CAMK2A: variants seen among roughly 807,000 people sequenced by gnomAD.
The protein encoded by CAMK2A is calcium/calmodulin-dependent protein kinase type II subunit alpha.
In CAMK2A, 7 loss-of-function variants were observed where a neutral mutation model predicts 79.2. The ratio of observed to expected loss-of-function variants is 0.09; its 90% CI spans 0.05 to 0.17. The LOEUF is 0.17. CAMK2A is among the 10% of genes least tolerant of loss of function. The probability of loss-of-function intolerance (pLI) is 1.00; values close to 1 mark genes in which losing one functional copy is unlikely to be tolerated. For synonymous variants in CAMK2A, 242 were observed against 251.7 expected (o/e 0.96, Z 0.36); for missense variants, 214 against 646.4 (o/e 0.33, Z 7.25).
At chr5:150,229,261 C>G (rs1754739036) in intron 16 of CAMK2A, among the ~76,000 whole-genome samples, 1 of 152,196 alleles carries the variant, frequency 6.6e-6, no homozygotes. Context: ...ACTCATGACC[C>G]CAAATTCTCC....
At chr5:150,257,536 C>G (rs375632139) in intron 4 of CAMK2A, 27 bp downstream of exon 4, 2 of 1,546,966 alleles carry the variant, frequency 1.3e-6, no homozygotes, top group Non-Finnish European at 1.8e-6. Flanking sequence ...ACACCGTTGG[C>G]GCATCCCAGG....
chr5:150,262,395 T>C (rs1017054646), intron 3 of CAMK2A, among the ~76,000 whole-genome samples: 1 of 152,148 alleles, frequency 6.6e-6, no homozygotes, highest in African/African-American at 2.4e-5. Context: ...GGAAGATGCT[T>C]GGAGGATCAG....
chr5:150,253,831 G>A (rs570457005), intron 6 of CAMK2A, among the ~76,000 whole-genome samples: 8 of 151,358 alleles, frequency 5.3e-5, no homozygotes, highest in South Asian at 2.1e-4. Context: ...AGGTGAGAGC[G>A]GGGTGGTACA....
intron 3 of CAMK2A, among the ~76,000 whole-genome samples, chr5:150,259,811 A>G (rs1430325515): frequency 2.6e-5 from 4 of 152,166 alleles, no homozygotes; most frequent in Admixed American, 2.6e-4. Flanking sequence ...TCTATTAAAA[A>G]TACAAAAATT....
intron 3 of CAMK2A, among the ~76,000 whole-genome samples, chr5:150,262,845 G>A (rs1167323971): frequency 1.3e-5 from 2 of 152,088 alleles, no homozygotes; most frequent in Non-Finnish European, 2.9e-5. Flanking sequence ...CTTAGTTAAC[G>A]GCAGAGCTGA....
intron 15 of CAMK2A, among the ~76,000 whole-genome samples, chr5:150,235,593 T>G (rs926384345): frequency 1.3e-5 from 2 of 152,204 alleles, no homozygotes; most frequent in Non-Finnish European, 2.9e-5. Context: ...GAAATTAATT[T>G]TTCAAGGAGC....
At chr5:150,228,484 CCTGGGTT>C (rs747102574) in intron 16 of CAMK2A, among the ~76,000 whole-genome samples, 198 bp from the exon 17 acceptor site, 47 of 152,162 alleles carry the variant, frequency 3.1e-4, no homozygotes, top group Non-Finnish European at 5.4e-4. Context: ...ATCCGGGAAG[CCTGGGTT>C]CAGGCCCTGG....
chr5:150,234,239 G>A (rs1030657400), intron 15 of CAMK2A, among the ~76,000 whole-genome samples: 3 of 152,126 alleles, frequency 2.0e-5, no homozygotes, highest in African/African-American at 4.8e-5. Flanking sequence ...AGACCCTTCT[G>A]GCTCACCGTT....
chr5:150,274,549 C>T (rs1473424958), intron 1 of CAMK2A, among the ~76,000 whole-genome samples: 2 of 152,154 alleles, frequency 1.3e-5, no homozygotes, highest in African/African-American at 4.8e-5. Context: ...CTAAAGGGCC[C>T]GATACTGACC....
chr5:150,280,560 A>G (rs1185030671), intron 1 of CAMK2A, among the ~76,000 whole-genome samples: 5 of 151,950 alleles, frequency 3.3e-5, no homozygotes, highest in African/African-American at 1.2e-4. Flanking sequence ...CACTCCATGA[A>G]CCCACCACAA....
intron 3 of CAMK2A, among the ~76,000 whole-genome samples, chr5:150,258,212 C>A (rs1432231972): frequency 6.6e-6 from 1 of 152,216 alleles, no homozygotes; most frequent in Non-Finnish European, 1.5e-5. Context: ...TCTCTTCACA[C>A]CCCATTTACC....
chr5:150,238,984 T>C (rs1755217612), intron 14 of CAMK2A, among the ~76,000 whole-genome samples: 1 of 152,158 alleles, frequency 6.6e-6, no homozygotes, highest in African/African-American at 2.4e-5. Context: ...AACCCTGGCC[T>C]TTCTGGAAGG....
intron 2 of CAMK2A, among the ~76,000 whole-genome samples, chr5:150,272,291 G>A (rs755821948): frequency 5.3e-5 from 8 of 152,152 alleles, no homozygotes; most frequent in East Asian, 1.9e-4. Context: ...TAGGTTGGGC[G>A]TGATGGCTCA....
intron 13 of CAMK2A, among the ~76,000 whole-genome samples, chr5:150,243,002 G>A (rs1201097161): frequency 6.6e-6 from 1 of 152,220 alleles, no homozygotes; most frequent in East Asian, 1.9e-4. Context: ...CTGCGCCACA[G>A]GAAGCAGTGA....
chr5:150,247,721 C>G, intron 12 of CAMK2A, 51 bp downstream of exon 12: 2 of 1,504,690 alleles, frequency 1.3e-6, no homozygotes, highest in Non-Finnish European at 1.8e-6. Context: ...GACGGTGCCC[C>G]CAACGAACTG....
chr5:150,259,656 T>A (rs1233705459), intron 3 of CAMK2A, among the ~76,000 whole-genome samples: 1 of 152,166 alleles, frequency 6.6e-6, no homozygotes, highest in African/African-American at 2.4e-5. Context: ...TCTGCTTTAA[T>A]TCCTTTCAAC....
At chr5:150,286,189 G>A (rs1350404606) in intron 1 of CAMK2A, among the ~76,000 whole-genome samples, 1 of 152,186 alleles carries the variant, frequency 6.6e-6, no homozygotes, top group Admixed American at 6.5e-5. Flanking sequence ...CAAACGAAGA[G>A]GGATGAGCTC....
At chr5:150,249,195 G>A (rs1451095739) in intron 11 of CAMK2A, among the ~76,000 whole-genome samples, 2 of 152,228 alleles carry the variant, frequency 1.3e-5, no homozygotes, top group Non-Finnish European at 2.9e-5. Flanking sequence ...GCGTGCTGAC[G>A]GCTCCTCTGT....
At chr5:150,251,622 G>A (rs1755836374) in intron 9 of CAMK2A, 128 bp downstream of exon 9, 1 of 614,398 alleles carries the variant, frequency 1.6e-6, no homozygotes, top group Admixed American at 3.5e-5. Flanking sequence ...GTAACCACCT[G>A]GCCCTGGTCA....
Sources: allele counts gnomAD v4.1 joint callset (sites outside exome capture counted in the v4.1 genomes callset), GRCh38; gene constraint gnomAD v4.1.1; transcripts MANE v1.5; gene names NCBI Gene and HGNC (gene_info 2026-07-23, HGNC 2026-07-21).